Variants in LITAF observed in about 807,000 individuals in gnomAD.
LITAF encodes lipopolysaccharide-induced tumor necrosis factor-alpha factor.
In LITAF, 9 loss-of-function variants were observed where a neutral mutation model predicts 14.5. That is an observed-to-expected ratio of 0.62 (90% confidence interval 0.37 to 1.08). LITAF has a LOEUF of 1.08. LITAF is among the 50% of genes least tolerant of loss of function. LITAF has a pLI of 0.01. For missense variants in LITAF, 206 were observed against 213.4 expected, an observed-to-expected ratio of 0.97 and a Z score of 0.22; for synonymous variants, 98 against 88.2, an observed-to-expected ratio of 1.11 and a Z score of -0.62.
Position 11,567,230 on chromosome 16 carries a change from GC to G in LITAF, c.-5-10496del, listed in dbSNP as rs371305623. On this transcript the variant is annotated intron_variant, in intron 1 of 3. Transcript: ENST00000622633. ...AGGTCAGGAGTTTGAGACCAGCCTG[GC>G]CAACATGGCAAAACCTCGTCTCTAC... Among the ~76,000 whole-genome samples, 85 of 152,214 alleles carry G rather than the reference GC, an allele frequency of 5.6e-4. 4 individuals carry two copies. The highest frequency in any genetic ancestry group is 1.9e-3 in the African/African-American group (80 of 41,536).
intron 3 of LITAF, among the ~76,000 whole-genome samples, chr16:11,616,836 C>T (rs1054772769): frequency 3.5e-5 from 5 of 142,884 alleles, no homozygotes. Context: ...CACCTGAGCC[C>T]AAGAGGTTGA....
upstream of LITAF, among the ~76,000 whole-genome samples, chr16:11,636,615 C>T (rs576726585): frequency 2.0e-5 from 3 of 152,280 alleles, no homozygotes; most frequent in East Asian, 1.9e-4. Flanking sequence ...TGTTCCTTTA[C>T]GGTACACACG....
At position 11,554,568 on chromosome 16, in the gene LITAF, G is replaced by A. The variant is rs544891956; in HGVS notation, c.221-879C>T. 1.1e-4 allele frequency among the ~76,000 whole-genome samples: 16 copies of A among 152,172 alleles called. No individual in the cohort carries two copies. In the East Asian group the frequency reaches 2.5e-3, roughly 24 times the overall value. ...TTGGCTTTGGGAGGCCGAGGTGCGT[G>A]GATCACCAGAGGTCAGGAGTTCAAG... On this transcript the variant is annotated intron_variant, in intron 2 of 3. Coordinates refer to ENST00000622633, the MANE Select transcript of LITAF (RefSeq NM_001136472.2).
intron 1 of LITAF, among the ~76,000 whole-genome samples, chr16:11,594,582 G>A (rs1198781914): frequency 6.6e-6 from 1 of 152,114 alleles, no homozygotes; most frequent in African/African-American, 2.4e-5. Flanking sequence ...CAAGGAAAAA[G>A]AATGCTATAG....
intron 3 of LITAF, among the ~76,000 whole-genome samples, chr16:11,604,143 A>C (rs1421555345): frequency 1.3e-5 from 2 of 152,088 alleles, no homozygotes; most frequent in African/African-American, 4.8e-5. Flanking sequence ...CAGCTTAGGC[A>C]ACATAGTGAG....
At chr16:11,551,299 G>A (rs1346669283) in intron 3 of LITAF, among the ~76,000 whole-genome samples, 3 of 152,150 alleles carry the variant, frequency 2.0e-5, no homozygotes, top group East Asian at 1.9e-4. Context: ...GTGCAGGCAC[G>A]GCTCCAGGCA....
At chr16:11,595,316 G>A (rs2064876383) in intron 1 of LITAF, among the ~76,000 whole-genome samples, 2 of 152,218 alleles carry the variant, frequency 1.3e-5, no homozygotes, top group Admixed American at 6.5e-5. Context: ...TGGCTCAGTG[G>A]CCTGGCCCTG....
At chr16:11,566,635 C>A (rs554419350) in intron 1 of LITAF, among the ~76,000 whole-genome samples, 361 of 152,180 alleles carry the variant, frequency 2.4e-3, no homozygotes, top group Non-Finnish European at 4.1e-3. Flanking sequence ...CGTGATGGCA[C>A]ATGTCTATAG....
intron 2 of LITAF, among the ~76,000 whole-genome samples, chr16:11,554,174 G>C (rs1469977528): frequency 6.6e-6 from 1 of 152,174 alleles, no homozygotes; most frequent in African/African-American, 2.4e-5. Flanking sequence ...TGAGGATGCA[G>C]TGAATCATGA....
chr16:11,618,774 G>A (rs1164114757), intron 3 of LITAF, among the ~76,000 whole-genome samples: 1 of 152,012 alleles, frequency 6.6e-6, no homozygotes, highest in Non-Finnish European at 1.5e-5. Flanking sequence ...CACGAGGTCA[G>A]GAGTTCGAGT....
At chr16:11,556,486 G>C in intron 2 of LITAF, 25 bp downstream of exon 2, 2 of 1,595,264 alleles carry the variant, frequency 1.3e-6, no homozygotes, top group African/African-American at 1.3e-5. Flanking sequence ...GGAATGGTAA[G>C]GGGGGCCTGG....
At chr16:11,599,285 C>A (rs1396912195), upstream of LITAF, among the ~76,000 whole-genome samples, 2 of 148,862 alleles carry the variant, frequency 1.3e-5, no homozygotes, top group Non-Finnish European at 3.0e-5. Flanking sequence ...GCCCGGCTAA[C>A]TTTTGTATTT....
intron 1 of LITAF, among the ~76,000 whole-genome samples, chr16:11,597,860 C>T (rs2064900297): frequency 6.6e-6 from 1 of 152,154 alleles, no homozygotes; most frequent in African/African-American, 2.4e-5. Flanking sequence ...GAGCTAAAGG[C>T]CCCACAGCCA....
chr16:11,630,421 G>A (rs1047641099), intron 3 of LITAF, among the ~76,000 whole-genome samples: 1 of 152,152 alleles, frequency 6.6e-6, no homozygotes, highest in African/African-American at 2.4e-5. Flanking sequence ...CGCAGGCCCT[G>A]CTCTGGCGGG....
chr16:11,605,717 G>T lies in LITAF; in HGVS notation c.85+27816C>A, dbSNP rs186279477. On this transcript the variant is annotated intron_variant, in intron 3 of 3. Transcript: ENST00000574848. This position sits in a 1 kb window ranked among gnomAD's most constrained non-coding sequence, Gnocchi z 4.7. ...GGAGTTCGAAGCTGCAGTGAGCTAT[G>T]ATTGCACCACTGCACTCTAGCCTGG... Among the ~76,000 whole-genome samples, 22 of 152,292 alleles carry T rather than the reference G, an allele frequency of 1.4e-4. No individual in the cohort carries two copies. Among genetic ancestry groups the T allele is most frequent in the African/African-American group, 5.1e-4 (21 of 41,548 alleles).
chr16:11,587,615 C>G (rs1177775609), upstream of LITAF: 1 of 253,048 alleles, frequency 4.0e-6, no homozygotes, highest in Non-Finnish European at 8.1e-6. Context: ...CTTTGTGCCC[C>G]CAGGGTGGTC....
upstream of LITAF, among the ~76,000 whole-genome samples, chr16:11,640,236 G>C (rs2065159694): frequency 6.6e-6 from 1 of 152,310 alleles, no homozygotes; most frequent in Admixed American, 6.5e-5. Flanking sequence ...TGTTCGTGGA[G>C]CGACTGAGTG....
intron 3 of LITAF, among the ~76,000 whole-genome samples, chr16:11,608,991 G>A (rs1333504630): frequency 2.3e-5 from 3 of 130,848 alleles, no homozygotes; most frequent in Non-Finnish European, 3.4e-5. Context: ...AAAAAAAAAC[G>A]CACCGAGTAT....
chr16:11,577,716 A>G (rs879584433), intron 1 of LITAF, among the ~76,000 whole-genome samples: 1 of 147,536 alleles, frequency 6.8e-6, no homozygotes, highest in African/African-American at 2.5e-5. Flanking sequence ...ATGCACTTTT[A>G]TTTTATTTTC....
Sources: allele counts gnomAD v4.1 joint callset (sites outside exome capture counted in the v4.1 genomes callset), GRCh38; gene constraint gnomAD v4.1.1; non-coding constraint Gnocchi (gnomAD v3.1); transcripts MANE v1.5; gene names NCBI Gene and HGNC (gene_info 2026-07-23, HGNC 2026-07-21).